The following SIK2 variants were observed in gnomAD, a reference collection of about 807,000 sequenced individuals.
SIK2 encodes serine/threonine-protein kinase SIK2.
SIK2 carries 29 observed loss-of-function variants against 103.2 expected under a neutral mutation model. The observed-to-expected ratio is 0.28, with a 90% CI of 0.21 to 0.38. The LOEUF (loss-of-function observed/expected upper bound fraction) is 0.38, where lower values mean the gene tolerates loss of function less well. Ranked by LOEUF, SIK2 falls within the 10% of genes least tolerant of loss-of-function variation. The pLI is 1.00. For synonymous variants in SIK2, 412 were observed against 446.1 expected (o/e 0.92, Z 0.96); for missense variants, 879 against 1,171.0 (o/e 0.75, Z 3.64).
chr11:111,624,038 A>G (rs1456118609), intron 3 of SIK2, among the ~76,000 whole-genome samples: 1 of 152,106 alleles, frequency 6.6e-6, no homozygotes, highest in African/African-American at 2.4e-5. Context: ...CTTATAAACC[A>G]TTCTCTCATG....
intron 2 of SIK2, among the ~76,000 whole-genome samples, chr11:111,619,117 A>C (rs1941848375): frequency 6.6e-6 from 1 of 152,214 alleles, no homozygotes; most frequent in Admixed American, 6.5e-5. Flanking sequence ...CATAAACTAG[A>C]CCGAGGATAA....
At chr11:111,620,302 A>C in intron 2 of SIK2, 37 bp from the exon 3 acceptor site, 1 of 1,306,376 alleles carries the variant, frequency 7.7e-7, no homozygotes, top group Non-Finnish European at 1.1e-6. Flanking sequence ...ATTCCAGTAC[A>C]TTTCTGTCAG....
In SIK2 at chr11:111,610,305, C is replaced by T. The variant is rs542061656; in HGVS notation, c.136-5938C>T. ...ACGAGTTTGAGACCAGCCTGGCCAA[C>T]ATGGTGAAACCCCATCTCTACTAAA... On this transcript the variant is annotated intron_variant, in intron 1 of 14. Coordinates refer to ENST00000304987, the MANE Select transcript of SIK2 (RefSeq NM_015191.3). Among the ~76,000 whole-genome samples, 4 of 152,188 alleles carry T rather than the reference C, an allele frequency of 2.6e-5. No homozygotes were observed. In the South Asian group the frequency reaches 8.3e-4, roughly 32 times the overall value.
chr11:111,632,402 T>A lies in SIK2; in HGVS notation c.316+12000T>A, dbSNP rs74881588. Reference sequence around the variant, plus strand: ...GTAAAGTCCAGGATCCTTAACAAGGTCATCAAGGATCATTGCACTCTATAT... The same window carrying A: ...GTAAAGTCCAGGATCCTTAACAAGGACATCAAGGATCATTGCACTCTATAT... On this transcript the variant is annotated intron_variant, in intron 3 of 14. Transcript: ENST00000304987. Among the ~76,000 whole-genome samples, 550 of 152,272 alleles carry A rather than the reference T, an allele frequency of 3.6e-3. 3 individuals carry two copies. The highest frequency in any genetic ancestry group is 0.013 in the African/African-American group (533 of 41,570).
In SIK2 at chr11:111,608,170, C is replaced by T. The variant is rs140635414; in HGVS notation, c.135+5472C>T. Among the ~76,000 whole-genome samples the T allele has an allele frequency of 1.6e-3, 242 of 152,222 alleles. 2 individuals carry two copies. Among genetic ancestry groups the T allele is most frequent in the African/African-American group, 5.4e-3 (224 of 41,540 alleles). On this transcript the variant is annotated intron_variant, in intron 1 of 14. Coordinates refer to ENST00000304987, the MANE Select transcript of SIK2 (RefSeq NM_015191.3). Reference sequence around the variant, plus strand: ...TCAGAACATTGGTGTAGAATACTTTCCCATCCTTCACAGAGAAATAGCCTA... The same window carrying T: ...TCAGAACATTGGTGTAGAATACTTTTCCATCCTTCACAGAGAAATAGCCTA...
At chr11:111,712,543 G>C (rs1211716973) in intron 9 of SIK2, among the ~76,000 whole-genome samples, 168 bp downstream of exon 9, 1 of 152,194 alleles carries the variant, frequency 6.6e-6, no homozygotes, top group Non-Finnish European at 1.5e-5. Flanking sequence ...CTCAACTCTT[G>C]TCAGTGTTTA....
At chr11:111,611,099 T>C (rs1941719557) in intron 1 of SIK2, among the ~76,000 whole-genome samples, 1 of 151,618 alleles carries the variant, frequency 6.6e-6, no homozygotes. Flanking sequence ...TGTGTGTGTG[T>C]GTGTGTGTGT....
At chr11:111,662,827 G>C (rs924799548) in intron 3 of SIK2, among the ~76,000 whole-genome samples, 3 of 152,092 alleles carry the variant, frequency 2.0e-5, no homozygotes, top group Admixed American at 6.6e-5. Flanking sequence ...GCAGTGAGCC[G>C]TGATCATGCC....
chr11:111,697,632 C>T (rs1165816099), intron 4 of SIK2, among the ~76,000 whole-genome samples: 2 of 151,904 alleles, frequency 1.3e-5, no homozygotes, highest in Non-Finnish European at 2.9e-5. Flanking sequence ...AATAGAAAAC[C>T]CAGGATTTGA....
intron 2 of SIK2, among the ~76,000 whole-genome samples, chr11:111,616,939 ACT>A (rs1941814702): frequency 1.3e-5 from 2 of 152,188 alleles, no homozygotes; most frequent in Non-Finnish European, 2.9e-5. Context: ...TAAAAAGGAT[ACT>A]GTATGTTTTA....
intron 4 of SIK2, among the ~76,000 whole-genome samples, chr11:111,697,408 A>G (rs1054119992): frequency 6.6e-6 from 1 of 152,216 alleles, no homozygotes; most frequent in Non-Finnish European, 1.5e-5. Context: ...CTCCCGAGGA[A>G]CTTAGTCTGA....
Position 111,723,972 on chromosome 11 carries a change from G to A in SIK2, c.2624G>A (p.Ser875Asn), listed in dbSNP as rs1313027066. ...CQYPVDGAQQ[S>N]DLTGPDCPRS... is the part of the protein sequence containing the mutation. ...TATCCTGTGGATGGAGCCCAGCAGA[G>A]CGACCTAACGGGGCCAGACTGTCCC... Residue 875 changes from serine (S) to asparagine (N), a missense_variant, in exon 15 of 15, where the codon AGC (serine) becomes AAC (asparagine). Physicochemically the swap from Ser to Asn is conservative, Grantham distance 46 (BLOSUM62 1). Around this residue, in one of 7 missense-constraint regions of SIK2, gnomAD observed 375 missense variants for 416.3 expected, o/e 0.90. Transcript: ENST00000304987. The A allele has an allele frequency of 1.2e-6, 2 of 1,614,174 alleles. No individual in the cohort carries two copies. Among genetic ancestry groups the A allele is most frequent in the Admixed American group, 1.7e-5 (1 of 60,024 alleles).
intron 3 of SIK2, among the ~76,000 whole-genome samples, chr11:111,674,256 GC>G (rs1030720535): frequency 6.6e-6 from 1 of 152,074 alleles, no homozygotes; most frequent in African/African-American, 2.4e-5. Flanking sequence ...TTAGGAGTTA[GC>G]CACAACTAAC....
chr11:111,693,139 C>T (rs974168101), intron 4 of SIK2, among the ~76,000 whole-genome samples: 4 of 152,066 alleles, frequency 2.6e-5, no homozygotes, highest in Admixed American at 6.6e-5. Flanking sequence ...CGAGACCATC[C>T]TGGCCAACAT....
At chr11:111,619,544 C>T (rs1480912763) in intron 2 of SIK2, among the ~76,000 whole-genome samples, 1 of 152,108 alleles carries the variant, frequency 6.6e-6, no homozygotes, top group African/African-American at 2.4e-5. Flanking sequence ...GGGGTTTTGC[C>T]ATGTTGGCCA....
At chr11:111,668,905 AT>A (rs1942585648) in intron 3 of SIK2, among the ~76,000 whole-genome samples, 1 of 152,168 alleles carries the variant, frequency 6.6e-6, no homozygotes, top group African/African-American at 2.4e-5. Context: ...TTGTTGATGG[AT>A]TGGATGTGGA....
At position 111,701,512 on chromosome 11, in the gene SIK2, C is replaced by G. The variant is rs1943211278; in HGVS notation, c.664C>G (p.Leu222Val). 6.2e-7 allele frequency: 1 copy of G among 1,613,948 alleles called. No individual in the cohort carries two copies. The highest frequency in any genetic ancestry group is 1.1e-5 in the South Asian group (1 of 91,062). ...AGCTCTGCCCTTTGATGGACCGACT[C>G]TTCCAATTTTGAGGCAGAGGGTTCT... ...CGALPFDGPTLPILRQRVLEG... is the reference protein window; with the variant it reads ...CGALPFDGPTVPILRQRVLEG... The change falls in exon 6 of 15, where the codon CTT becomes GTT. Residue 222 changes from leucine to valine, a missense_variant. This residue lies in a region of SIK2 where 126 missense variants were observed against 245.5 expected (regional missense o/e 0.51). Transcript: ENST00000304987. This position sits in a 1 kb window ranked among gnomAD's most constrained non-coding sequence, Gnocchi z 4.2.
At chr11:111,613,783 T>C (rs907365211) in intron 1 of SIK2, among the ~76,000 whole-genome samples, 9 of 152,164 alleles carry the variant, frequency 5.9e-5, no homozygotes, top group Admixed American at 5.9e-4. Flanking sequence ...GAAAAGAAGC[T>C]TTTATTCTTA....
rs572925865 is a variant in SIK2, at chr11:111,637,370, A to T, written c.316+16968A>T. ...GCCTAAAGGCTTTAAATTCTTGGAT[A>T]CATATGCAGGATGTGCAGATTTGTT... On this transcript the variant is annotated intron_variant, in intron 3 of 14. Coordinates refer to ENST00000304987, the MANE Select transcript of SIK2 (RefSeq NM_015191.3). Among the ~76,000 whole-genome samples the T allele has an allele frequency of 8.2e-4, 125 of 151,716 alleles. 1 individual carries two copies. Among genetic ancestry groups the T allele is most frequent in the Non-Finnish European group, 1.5e-3 (99 of 67,924 alleles).
Sources: allele counts gnomAD v4.1 joint callset (sites outside exome capture counted in the v4.1 genomes callset), GRCh38; gene constraint gnomAD v4.1.1; regional missense constraint gnomAD v4.1.1; non-coding constraint Gnocchi (gnomAD v3.1); transcripts MANE v1.5; gene names NCBI Gene and HGNC (gene_info 2026-07-23, HGNC 2026-07-21).